Variants in SOX9 observed in about 807,000 individuals in gnomAD.
The protein encoded by SOX9 is SRY-box transcription factor 9, also known as transcription factor SOX-9.
A neutral mutation model predicts 44.8 loss-of-function variants in SOX9; 2 were observed. The ratio of observed to expected loss-of-function variants is 0.04; its 90% CI spans 0.02 to 0.14. The LOEUF (loss-of-function observed/expected upper bound fraction) is 0.14, where lower values mean the gene tolerates loss of function less well. Ranked by LOEUF, SOX9 falls within the 10% of genes least tolerant of loss-of-function variation. SOX9 has a pLI of 1.00. For missense variants in SOX9, 583 were observed against 728.6 expected (o/e 0.80, Z 2.30); for synonymous variants, 381 against 331.8 (o/e 1.15, Z -1.61).
rs2143257493 is a variant in SOX9 at position 72,124,243 on chromosome 17, C to T, written c.1386C>T (p.Leu462=). Residue 462 remains leucine, a synonymous_variant, in exon 3 of 3, where the codon CTC becomes CTT. Coordinates refer to ENST00000245479, the MANE Select transcript of SOX9 (RefSeq NM_000346.4). This position sits in a 1 kb window ranked among gnomAD's most constrained non-coding sequence, Gnocchi z 4.6. ...ACGCGGCAGGCCAGGGCACCGGCCTCTACTCCACCTTCACCTACATGAACC... is the reference window on the plus strand; with the variant it reads ...ACGCGGCAGGCCAGGGCACCGGCCTTTACTCCACCTTCACCTACATGAACC... ...YSHAAGQGTG[L]YSTFTYMNPA... 6.2e-7 allele frequency: 1 copy of T among 1,613,754 alleles called. No homozygotes were observed. Among genetic ancestry groups the T allele is most frequent in the Non-Finnish European group, 8.5e-7 (1 of 1,180,016 alleles).
Position 72,124,386 on chromosome 17 carries a change from G to A in SOX9, c.1529G>A (p.Ter510=), listed in dbSNP as rs1908217513. The A allele has an allele frequency of 1.9e-6, 3 of 1,599,960 alleles. No homozygotes were observed. The African/African-American group carries it at 4.0e-5, about 21-fold the overall frequency. The part of the protein sequence containing the change: ...QPVYTQLTRP[*] ...GTCTACACACAGCTCACTCGACCTTGAGGAGGCCTCCCACGAAGGGCGAAG... is the reference window on the plus strand; with the variant it reads ...GTCTACACACAGCTCACTCGACCTTAAGGAGGCCTCCCACGAAGGGCGAAG... Residue 510 remains the stop codon, a stop_retained_variant, in exon 3 of 3, where the codon TGA becomes TAA. Transcript: ENST00000245479. This position sits in a 1 kb window ranked among gnomAD's most constrained non-coding sequence, Gnocchi z 4.6.
At chr17:72,122,148 G>A (rs1908116128) in intron 1 of SOX9, among the ~76,000 whole-genome samples, 1 of 152,162 alleles carries the variant, frequency 6.6e-6, no homozygotes, top group Admixed American at 6.5e-5. Flanking sequence ...ATCGGGGCGG[G>A]GAAGTGAAAC....
chr17:72,122,319 G>A (rs140102617), intron 1 of SOX9, among the ~76,000 whole-genome samples: 36 of 150,600 alleles, frequency 2.4e-4, no homozygotes, highest in African/African-American at 5.4e-4. Flanking sequence ...AGTGTATGGT[G>A]GGGGGTGAGA....
Position 72,124,623 on chromosome 17 carries a change from G to A in SOX9, c.*236G>A. Reference sequence around the variant, plus strand: ...CGCATTACCCACTTGTGGCCAATCAGTGGCCAGGCCAACCTTGGCTAAATG... The same window carrying A: ...CGCATTACCCACTTGTGGCCAATCAATGGCCAGGCCAACCTTGGCTAAATG... On this transcript the variant is annotated 3_prime_UTR_variant, in exon 3 of 3. Coordinates refer to ENST00000245479, the MANE Select transcript of SOX9 (RefSeq NM_000346.4). This position sits in a 1 kb window ranked among gnomAD's most constrained non-coding sequence, Gnocchi z 4.6. 3.3e-6 allele frequency: 2 copies of A among 603,898 alleles called. No homozygotes were observed. The highest frequency in any genetic ancestry group is 5.9e-6 in the Non-Finnish European group (2 of 339,426). 37.4% of individuals were successfully genotyped at this position (603,898 alleles called of 1,614,324 possible).
chr17:72,124,222 G>T lies in SOX9; in HGVS notation c.1365G>T (p.Ala455=), dbSNP rs1006572552. 1.2e-6 allele frequency: 2 copies of T among 1,612,890 alleles called. No homozygotes were observed. The highest frequency in any genetic ancestry group is 2.7e-5 in the African/African-American group (2 of 74,548). ...ACTCCAGCTCCTACTACAGCCACGC[G>T]GCAGGCCAGGGCACCGGCCTCTACT... ...HQNSSSYYSH[A]AGQGTGLYST... The change falls in exon 3 of 3, where the codon GCG becomes GCT. Residue 455 remains alanine, a synonymous_variant. Coordinates refer to ENST00000245479, the MANE Select transcript of SOX9 (RefSeq NM_000346.4). This position sits in a 1 kb window ranked among gnomAD's most constrained non-coding sequence, Gnocchi z 4.6.
In SOX9 at chr17:72,124,327, G is replaced by C. The variant is rs772902383; in HGVS notation, c.1470G>C (p.Pro490=). ...ACACCTCTGGGGTCCCTTCCATCCC[G>C]CAGACCCACAGCCCCCAGCACTGGG... ...IADTSGVPSI[P]QTHSPQHWEQ... is the part of the protein sequence containing the mutation. The change falls in exon 3 of 3, where the codon CCG becomes CCC. Residue 490 remains proline, a synonymous_variant. Coordinates refer to ENST00000245479, the MANE Select transcript of SOX9 (RefSeq NM_000346.4). This position sits in a 1 kb window ranked among gnomAD's most constrained non-coding sequence, Gnocchi z 4.6. 3.1e-6 allele frequency: 5 copies of C among 1,603,518 alleles called. No homozygotes were observed. Among genetic ancestry groups the C allele is most frequent in the Middle Eastern group, 1.7e-4 (1 of 6,060 alleles).
In SOX9 at chr17:72,124,465, C is replaced by A. The variant is rs1908221492; in HGVS notation, c.*78C>A. 6.7e-7 allele frequency: 1 copy of A among 1,496,924 alleles called. No homozygotes were observed. Among genetic ancestry groups the A allele is most frequent in the Non-Finnish European group, 9.2e-7 (1 of 1,086,386 alleles). 92.7% of individuals were successfully genotyped at this position (1,496,924 alleles called of 1,614,324 possible). On this transcript the variant is annotated 3_prime_UTR_variant, in exon 3 of 3. Coordinates refer to ENST00000245479, the MANE Select transcript of SOX9 (RefSeq NM_000346.4). This position sits in a 1 kb window ranked among gnomAD's most constrained non-coding sequence, Gnocchi z 4.6. ...AAGAAAGAGAGGACCAACCAGAATT[C>A]CCTTTGGACATTTGTGTTTTTTTGT...
rs1908075138 is a variant in SOX9, at chr17:72,121,221, C to T, written c.-171C>T. The T allele has an allele frequency of 1.6e-6, 1 of 636,952 alleles. No individual in the cohort carries two copies. Among genetic ancestry groups the T allele is most frequent in the Admixed American group, 2.8e-5 (1 of 35,660 alleles). 39.5% of individuals were successfully genotyped at this position (636,952 alleles called of 1,614,324 possible). A position where few individuals can be genotyped will look rare whatever the true frequency, so the allele number is the denominator to read the frequency against. On this transcript the variant is annotated 5_prime_UTR_variant, in exon 1 of 3. Transcript: ENST00000245479. This position sits in a 1 kb window ranked among gnomAD's most constrained non-coding sequence, Gnocchi z 8.3. ...AGCGGGCAGCTGTGAACTGGCCACC[C>T]CGCGCCTTCCTAAGTGCTCGCCGCG...
In SOX9 at chr17:72,125,665, TTTTTA is replaced by T. The variant is rs1908263741; in HGVS notation, c.*1282_*1286del. On this transcript the variant is annotated 3_prime_UTR_variant, in exon 3 of 3. Coordinates refer to ENST00000245479, the MANE Select transcript of SOX9 (RefSeq NM_000346.4). ...TATGTTCTTAACTGTAACCAGTTTT[TTTTTA>T]TTTATCTCTTTAATCTTTTTTTATT... is the stretch of plus-strand genomic sequence containing the variant. 4.4e-6 allele frequency: 1 copy of T among 228,390 alleles called. No individual in the cohort carries two copies. The highest frequency in any genetic ancestry group is 2.2e-5 in the African/African-American group (1 of 45,018). 14.1% of individuals were successfully genotyped at this position (228,390 alleles called of 1,614,324 possible). A position where few individuals can be genotyped will look rare whatever the true frequency, so the allele number is the denominator to read the frequency against.
Position 72,125,909 on chromosome 17 carries a change from G to C in SOX9, c.*1522G>C, listed in dbSNP as rs77238880. ...GCTGCCTTATATTGTGTGTGTGTGTGGGTGTGTGTGTGTTTTGACACAAAA... is the reference window on the plus strand; with the variant it reads ...GCTGCCTTATATTGTGTGTGTGTGTCGGTGTGTGTGTGTTTTGACACAAAA... On this transcript the variant is annotated 3_prime_UTR_variant, in exon 3 of 3. Transcript: ENST00000245479. 58 of 231,508 alleles carry C rather than the reference G, an allele frequency of 2.5e-4. 1 individual carries two copies. Among genetic ancestry groups the C allele is most frequent in the African/African-American group, 1.2e-3 (55 of 45,296 alleles). 14.3% of individuals were successfully genotyped at this position (231,508 alleles called of 1,614,324 possible). A position where few individuals can be genotyped will look rare whatever the true frequency, so the allele number is the denominator to read the frequency against.
rs2143249524 is a variant in SOX9, at chr17:72,123,473, G to A, written c.686-70G>A. On this transcript the variant is annotated intron_variant, in intron 2 of 2. Coordinates refer to ENST00000245479, the MANE Select transcript of SOX9 (RefSeq NM_000346.4). This position sits in a 1 kb window ranked among gnomAD's most constrained non-coding sequence, Gnocchi z 6.5. ...TAGCAGCGAGGGAGGGTCCCCGGAG[G>A]GTGCCTAAGACTAGGGCGTCTGCAC... 6.2e-7 allele frequency: 1 copy of A among 1,605,858 alleles called. No homozygotes were observed. Among genetic ancestry groups the A allele is most frequent in the Non-Finnish European group, 8.5e-7 (1 of 1,173,978 alleles).
rs1000662504 is a variant in SOX9, at chr17:72,121,939, C to A, written c.431+117C>A. Reference sequence around the variant, plus strand: ...GCCCGGGAGTTGCCGTTCCGGGAGCCGGCGGGATGGGGTTGGGAGTGGGAA... The same window carrying A: ...GCCCGGGAGTTGCCGTTCCGGGAGCAGGCGGGATGGGGTTGGGAGTGGGAA... On this transcript the variant is annotated intron_variant, in intron 1 of 2. Transcript: ENST00000245479. This position sits in a 1 kb window ranked among gnomAD's most constrained non-coding sequence, Gnocchi z 8.3. 9 of 1,287,118 alleles carry A rather than the reference C, an allele frequency of 7.0e-6. No homozygotes were observed. The highest frequency in any genetic ancestry group is 9.4e-6 in the Non-Finnish European group (9 of 960,786). The allele number at this position is 1,287,118 out of a possible 1,614,324, so 79.7% of individuals were successfully genotyped here.
Position 72,123,664 on chromosome 17 carries a change from C to T in SOX9, c.807C>T (p.Asp269=), listed in dbSNP as rs778335883. The T allele has an allele frequency of 3.1e-6, 5 of 1,614,066 alleles. No individual in the cohort carries two copies. Among genetic ancestry groups the T allele is most frequent in the Admixed American group, 3.3e-5 (2 of 60,032 alleles). ...LPEGGRQPPI[D]FRDVDIGELS... is the part of the protein sequence containing the mutation. ...AGGGGGGCAGACAGCCCCCTATCGA[C>T]TTCCGCGACGTGGACATCGGCGAGC... Residue 269 remains aspartate (D), a synonymous_variant, in exon 3 of 3, where the codon GAC becomes GAT. Coordinates refer to ENST00000245479, the MANE Select transcript of SOX9 (RefSeq NM_000346.4). This position sits in a 1 kb window ranked among gnomAD's most constrained non-coding sequence, Gnocchi z 6.5.
rs759806377 is a variant in SOX9, at chr17:72,122,788, G to A, written c.501G>A (p.Lys167=). ...EAERLRVQHK[K]DHPDYKYQPR... is the part of the protein sequence containing the mutation. ...AGCGGCTGCGCGTGCAGCACAAGAA[G>A]GACCACCCGGATTACAAGTACCAGC... The change falls in exon 2 of 3, where the codon AAG becomes AAA. Residue 167 remains lysine, a synonymous_variant. Transcript: ENST00000245479. 11 of 1,614,128 alleles carry A rather than the reference G, an allele frequency of 6.8e-6. No homozygotes were observed. Among genetic ancestry groups the A allele is most frequent in the Admixed American group, 5.0e-5 (3 of 60,016 alleles).
rs747539655 is a variant in SOX9, at chr17:72,124,206, C to G, written c.1349C>G (p.Ser450Cys). The change falls in exon 3 of 3, where the codon TCC (serine) becomes TGC (cysteine). Residue 450 changes from serine (S) to cysteine (C), a missense_variant. Physicochemically the swap from Ser to Cys is moderately radical, Grantham distance 112. This residue lies in a region of SOX9 where 349 missense variants were observed against 387.0 expected (regional missense o/e 0.90). Coordinates refer to ENST00000245479, the MANE Select transcript of SOX9 (RefSeq NM_000346.4). This position sits in a 1 kb window ranked among gnomAD's most constrained non-coding sequence, Gnocchi z 4.6. The stretch of plus-strand genomic sequence containing the variant: ...TACACCGACCACCAGAACTCCAGCT[C>G]CTACTACAGCCACGCGGCAGGCCAG... Reference protein sequence around the residue: ...YDYTDHQNSSSYYSHAAGQGT... With the variant: ...YDYTDHQNSSCYYSHAAGQGT... 1 of 1,613,978 alleles carries G rather than the reference C, an allele frequency of 6.2e-7. No individual in the cohort carries two copies. Among genetic ancestry groups the G allele is most frequent in the Non-Finnish European group, 8.5e-7 (1 of 1,180,026 alleles).
chr17:72,122,028 G>A (rs1264168021), intron 1 of SOX9, among the ~76,000 whole-genome samples: 2 of 152,232 alleles, frequency 1.3e-5, no homozygotes, highest in Non-Finnish European at 2.9e-5. Context: ...ACGCGGAGGA[G>A]GGGGGTGGTA....
Position 72,123,483 on chromosome 17 carries a change from A to G in SOX9, c.686-60A>G, listed in dbSNP as rs539811097. ...GGAGGGTCCCCGGAGGGTGCCTAAGACTAGGGCGTCTGCACAGCCCTTGTT... is the reference window on the plus strand; with the variant it reads ...GGAGGGTCCCCGGAGGGTGCCTAAGGCTAGGGCGTCTGCACAGCCCTTGTT... On this transcript the variant is annotated intron_variant, in intron 2 of 2. Transcript: ENST00000245479. This position sits in a 1 kb window ranked among gnomAD's most constrained non-coding sequence, Gnocchi z 6.5. 2.5e-6 allele frequency: 4 copies of G among 1,611,802 alleles called. No individual in the cohort carries two copies. The South Asian group carries it at 4.4e-5, about 18-fold the overall frequency.
Position 72,123,001 on chromosome 17 carries a change from A to T in SOX9, c.685+29A>T. 6.2e-7 allele frequency: 1 copy of T among 1,608,742 alleles called. No homozygotes were observed. The highest frequency in any genetic ancestry group is 8.5e-7 in the Non-Finnish European group (1 of 1,179,606). ...AGTCGCCCCTCGACCCCACCGGACA[A>T]GCTATCTCCGTCCCGCCTGGCACAC... is the stretch of plus-strand genomic sequence containing the variant. On this transcript the variant is annotated intron_variant, in intron 2 of 2. Transcript: ENST00000245479. The surrounding 1 kb of genome is among the most constrained non-coding windows in gnomAD (Gnocchi z 6.5).
At position 72,124,155 on chromosome 17, in the gene SOX9, C is replaced by T. The variant is rs1908209580; in HGVS notation, c.1298C>T (p.Pro433Leu). 6.2e-6 allele frequency: 10 copies of T among 1,613,766 alleles called. No individual in the cohort carries two copies. Among genetic ancestry groups the T allele is most frequent in the Non-Finnish European group, 8.5e-6 (10 of 1,180,034 alleles). The change falls in exon 3 of 3, where the codon CCG becomes CTG. Residue 433 changes from proline (P) to leucine (L), a missense_variant. Coordinates refer to ENST00000245479, the MANE Select transcript of SOX9 (RefSeq NM_000346.4). The surrounding 1 kb of genome is among the most constrained non-coding windows in gnomAD (Gnocchi z 4.6). ...FNLPHYSPSY[P>L]PITRSQYDYT... ...CTCCCACACTACAGCCCCTCCTACC[C>T]GCCCATCACCCGCTCACAGTACGAC...
Sources: gnomAD v4.1 joint callset for allele counts (sites outside exome capture counted in the v4.1 genomes callset) on GRCh38, gnomAD v4.1.1 for gene constraint, gnomAD v4.1.1 regional missense constraint, Gnocchi (gnomAD v3.1) non-coding constraint, MANE v1.5 for transcripts, NCBI Gene and HGNC (gene_info 2026-07-23, HGNC 2026-07-21) for gene names.